Variants in AP3D1 observed in about 807,000 individuals in gnomAD.
AP3D1 encodes the protein adaptor related protein complex 3 subunit delta 1.
In AP3D1, 51 loss-of-function variants were observed where a neutral mutation model predicts 147.6. The observed-to-expected ratio is 0.35, with a 90% CI of 0.28 to 0.44. The LOEUF is 0.44. AP3D1 is among the 20% of genes least tolerant of loss of function. The pLI is 1.00. For missense variants in AP3D1, 1,421 were observed against 1,624.2 expected (o/e 0.87, Z 2.15); for synonymous variants, 760 against 663.0 (o/e 1.15, Z -2.25).
At chr19:2,114,085 G>A (rs779715601) in intron 22 of AP3D1, 40 bp downstream of exon 22, 2 of 1,537,322 alleles carry the variant, frequency 1.3e-6, no homozygotes, top group South Asian at 1.2e-5. Flanking sequence ...CGGCAAGGGA[G>A]GGGAATGGAG....
At chr19:2,144,086 CA>C (rs36022453) in intron 1 of AP3D1, among the ~76,000 whole-genome samples, 185 of 123,328 alleles carry the variant, frequency 1.5e-3, no homozygotes, top group Middle Eastern at 4.2e-3. Flanking sequence ...AACTCCGTCT[CA>C]AAAAAAAAAA....
intron 26 of AP3D1, 187 bp from the exon 27 acceptor site, chr19:2,111,083 C>A (rs2018262032): frequency 1.1e-6 from 1 of 912,874 alleles, no homozygotes; most frequent in Non-Finnish European, 1.6e-6. Context: ...TGGCGGGGAC[C>A]CTCCTGCCAG....
chr19:2,138,770 A>G (rs1209143726), intron 1 of AP3D1, 56 bp from the exon 2 acceptor site: 1 of 1,319,660 alleles, frequency 7.6e-7, no homozygotes, highest in East Asian at 2.3e-5. Flanking sequence ...GGGCTGGAAT[A>G]ATGATTTCGG....
At chr19:2,117,436 G>A in intron 15 of AP3D1, 69 bp from the exon 16 acceptor site, 1 of 1,475,144 alleles carries the variant, frequency 6.8e-7, no homozygotes, top group East Asian at 2.5e-5. Flanking sequence ...CAGGGACACG[G>A]GGTGGCTCAG....
intron 15 of AP3D1, among the ~76,000 whole-genome samples, chr19:2,117,674 C>T (rs997795362): frequency 2.2e-4 from 34 of 152,380 alleles, no homozygotes; most frequent in African/African-American, 1.2e-4. Flanking sequence ...TCGGCCCCCG[C>T]GGGCTCCCCG....
intron 6 of AP3D1, 120 bp downstream of exon 6, chr19:2,130,288 T>C (rs2018901006): frequency 1.4e-6 from 2 of 1,472,020 alleles, no homozygotes; most frequent in South Asian, 1.3e-5. Flanking sequence ...AACAGGCATG[T>C]TCCTGGACTG....
At chr19:2,132,701 T>C in intron 4 of AP3D1, 123 bp from the exon 5 acceptor site, 1 of 734,370 alleles carries the variant, frequency 1.4e-6, no homozygotes, top group Non-Finnish European at 2.3e-6. Context: ...CATATCCTCT[T>C]GGGGTGCAGC....
At chr19:2,155,824 G>A (rs2144596312), upstream of AP3D1, among the ~76,000 whole-genome samples, 1 of 152,180 alleles carries the variant, frequency 6.6e-6, no homozygotes, top group East Asian at 1.9e-4. Flanking sequence ...AGGCCGAGGT[G>A]GGCGGATCAG....
chr19:2,138,494 G>A (rs1291628035), intron 2 of AP3D1, 125 bp downstream of exon 2: 6 of 764,192 alleles, frequency 7.9e-6, no homozygotes, highest in South Asian at 1.5e-5. Context: ...GGCCCTGAGT[G>A]GCTCACCGAC....
rs780862742 is a variant in AP3D1, at chr19:2,116,670, G to A, written c.1936C>T (p.His646Tyr). The A allele has an allele frequency of 5.0e-6, 8 of 1,608,164 alleles. No homozygotes were observed. The highest frequency in any genetic ancestry group is 3.4e-5 in the Admixed American group (2 of 59,486). ...SEDERPRAVF[H>Y]EEEQRRPKHR... ...TTGGGACGCCGCTGCTCCTCCTCGT[G>A]GAAGACGGCCCTGGGCCTCTCGTCC... The change falls in exon 17 of 32, where the codon CAC becomes TAC. Residue 646 changes from histidine (H) to tyrosine (Y), a missense_variant. Around this residue, in one of 6 missense-constraint regions of AP3D1, gnomAD observed 791 missense variants for 761.4 expected, o/e 1.04. Coordinates refer to ENST00000643116, the MANE Select transcript of AP3D1 (RefSeq NM_001261826.3).
chr19:2,130,059 G>C (rs2018893816), intron 6 of AP3D1, among the ~76,000 whole-genome samples: 1 of 152,226 alleles, frequency 6.6e-6, no homozygotes, highest in South Asian at 2.1e-4. Flanking sequence ...TACACTAGGT[G>C]GAGGCAGCTC....
intron 1 of AP3D1, among the ~76,000 whole-genome samples, chr19:2,145,185 T>C (rs2019324709): frequency 6.6e-6 from 1 of 152,234 alleles, no homozygotes; most frequent in African/African-American, 2.4e-5. Context: ...AGGCTCCATC[T>C]GGACCGCAGC....
At chr19:2,115,956 G>T (rs560037660) in intron 18 of AP3D1, among the ~76,000 whole-genome samples, 1 of 152,268 alleles carries the variant, frequency 6.6e-6, no homozygotes, top group African/African-American at 2.4e-5. Flanking sequence ...GGTTGCCCAC[G>T]ACCGTGGGGT....
intron 3 of AP3D1, 129 bp downstream of exon 3, chr19:2,137,598 C>T: frequency 1.2e-6 from 1 of 802,876 alleles, no homozygotes; most frequent in Admixed American, 2.2e-5. Context: ...TTACAGGCCA[C>T]TGAATCCACC....
chr19:2,109,996 TC>T, intron 28 of AP3D1, 38 bp from the exon 29 acceptor site: 1 of 1,607,420 alleles, frequency 6.2e-7, no homozygotes, highest in South Asian at 1.1e-5. Context: ...GAGAGGGGAG[TC>T]GGGCCCAGCT....
chr19:2,148,523 G>A (rs1023887913), intron 1 of AP3D1, among the ~76,000 whole-genome samples: 6 of 152,180 alleles, frequency 3.9e-5, no homozygotes, highest in Non-Finnish European at 8.8e-5. Context: ...CCACAAAGAG[G>A]TCACAGCCTG....
intron 9 of AP3D1, among the ~76,000 whole-genome samples, chr19:2,124,108 G>A (rs187586159): frequency 3.3e-5 from 5 of 152,360 alleles, no homozygotes; most frequent in East Asian, 3.9e-4. Context: ...CTGACAGGAT[G>A]GCTCGGGGCC....
chr19:2,123,852 G>T lies in AP3D1; in HGVS notation c.884C>A (p.Pro295His). The change falls in exon 10 of 32, where the codon CCC (proline) becomes CAC (histidine). Residue 295 changes from proline (P) to histidine (H), a missense_variant. Coordinates refer to ENST00000643116, the MANE Select transcript of AP3D1 (RefSeq NM_001261826.3). ...TACCTGGATGCTGGCGCTGTGGTTG[G>T]GCATGCCGGAGGACAGCGAGATGAG... ...AVLISLSSGM[P>H]NHSASIQLCV... 1.3e-6 allele frequency: 2 copies of T among 1,578,542 alleles called. No individual in the cohort carries two copies. Among genetic ancestry groups the T allele is most frequent in the Admixed American group, 1.8e-5 (1 of 55,328 alleles).
chr19:2,151,938 C>T (rs1194335137), upstream of AP3D1, among the ~76,000 whole-genome samples: 1 of 152,234 alleles, frequency 6.6e-6, no homozygotes, highest in Non-Finnish European at 1.5e-5. Flanking sequence ...TGGAGCTCCG[C>T]CTTTCCTGAA....
Sources: gnomAD v4.1 joint callset for allele counts (sites outside exome capture counted in the v4.1 genomes callset) on GRCh38, gnomAD v4.1.1 for gene constraint, gnomAD v4.1.1 regional missense constraint, MANE v1.5 for transcripts, NCBI Gene and HGNC (gene_info 2026-07-23, HGNC 2026-07-21) for gene names.